Variants in GPR160 observed in about 807,000 individuals in gnomAD.
The protein encoded by GPR160 is G protein-coupled receptor 160.
GPR160 carries 2 observed loss-of-function variants against 2.6 expected under a neutral mutation model. The observed-to-expected ratio is 0.77, with a 90% CI of 0.32 to 2.44. The LOEUF is 2.44. Among genes scored for constraint, GPR160 ranks in the 30% most tolerant of loss-of-function variants. GPR160 has a pLI of 0.11. For synonymous variants in GPR160, 130 were observed against 132.2 expected, an observed-to-expected ratio of 0.98 and a Z score of 0.12; for missense variants, 351 against 383.6, an observed-to-expected ratio of 0.91 and a Z score of 0.71.
intron 2 of GPR160, among the ~76,000 whole-genome samples, chr3:170,061,857 T>G (rs1711976841): frequency 6.6e-6 from 1 of 152,066 alleles, no homozygotes; most frequent in South Asian, 2.1e-4. Context: ...TTCTTATTTT[T>G]AAATTTCAAG....
At position 170,084,524 on chromosome 3, in the gene GPR160, G is replaced by A; in HGVS notation, c.552G>A (p.Trp184Ter). 3.7e-6 allele frequency: 6 copies of A among 1,612,662 alleles called. No individual in the cohort carries two copies. The highest frequency in any genetic ancestry group is 5.1e-6 in the Non-Finnish European group (6 of 1,178,764). ...TCTATGTCAGCATTCAGAGTTACTG[G>A]CTGTCATTTTTCATGGTGATGATTT... ...CPFYVSIQSY[W>*]LSFFMVMILF... The change falls in exon 4 of 4, where the codon TGG becomes TGA. Residue 184 changes from tryptophan (W) to a stop codon, truncating the protein, a stop_gained. Transcript: ENST00000355897. LOFTEE classifies it low-confidence loss of function (END_TRUNC).
intron 3 of GPR160, among the ~76,000 whole-genome samples, chr3:170,081,849 G>A (rs1713144575): frequency 6.6e-6 from 1 of 152,140 alleles, no homozygotes; most frequent in African/African-American, 2.4e-5. Context: ...TCCTGCGTTA[G>A]TTTGCTAAGG....
chr3:170,056,411 G>A (rs927783087), intron 2 of GPR160, among the ~76,000 whole-genome samples: 3 of 152,210 alleles, frequency 2.0e-5, no homozygotes, highest in African/African-American at 7.2e-5. Context: ...GGAAGCAGGG[G>A]ACATAATCTT....
At chr3:170,082,117 A>C (rs973951063) in intron 3 of GPR160, among the ~76,000 whole-genome samples, 1 of 152,168 alleles carries the variant, frequency 6.6e-6, no homozygotes, top group African/African-American at 2.4e-5. Flanking sequence ...TTTTCCTTAA[A>C]GTTTGGGAAA....
chr3:170,060,692 G>C (rs1711892052), intron 2 of GPR160, among the ~76,000 whole-genome samples: 1 of 152,084 alleles, frequency 6.6e-6, no homozygotes, highest in South Asian at 2.1e-4. Flanking sequence ...GATCACTTGA[G>C]CCCAGGAGTT....
chr3:170,074,485 CTTAT>C (rs1202007553), intron 2 of GPR160, among the ~76,000 whole-genome samples: 3 of 151,126 alleles, frequency 2.0e-5, no homozygotes, highest in Non-Finnish European at 4.4e-5. Context: ...ATTTCCTTTG[CTTAT>C]TTATTTATTT....
chr3:170,049,594 TAGAC>T (rs1716868597), intron 2 of GPR160, among the ~76,000 whole-genome samples: 1 of 152,204 alleles, frequency 6.6e-6, no homozygotes, highest in Non-Finnish European at 1.5e-5. Flanking sequence ...GTGTGGTCTG[TAGAC>T]AGACTCCAGG....
At chr3:170,046,461 G>GGC (rs1716725160) in intron 2 of GPR160, among the ~76,000 whole-genome samples, 2 of 152,268 alleles carry the variant, frequency 1.3e-5, no homozygotes, top group South Asian at 4.1e-4. Context: ...GCCACCGCCT[G>GGC]GCAGGGGTTT....
At chr3:170,062,730 C>A in intron 2 of GPR160, 1 of 1,224,008 alleles carries the variant, frequency 8.2e-7, no homozygotes, top group Non-Finnish European at 1.2e-6. Context: ...AAGTCGCAAA[C>A]TCACGGATTT....
intron 2 of GPR160, among the ~76,000 whole-genome samples, chr3:170,065,882 A>G (rs1212327095): frequency 6.6e-6 from 1 of 151,968 alleles, no homozygotes; most frequent in Non-Finnish European, 1.5e-5. Context: ...CATCTCATTC[A>G]TGACCCCATC....
intron 2 of GPR160, among the ~76,000 whole-genome samples, chr3:170,048,419 T>A (rs9861796): frequency 0.096 from 14,527 of 151,210 alleles, 1,420 homozygotes; most frequent in African/African-American, 0.24. Context: ...TATTAAAAAA[T>A]TTTTTTTAAA....
rs1274545822 is a variant in GPR160 at position 170,084,083 on chromosome 3, A to G, written c.111A>G (p.Leu37=). Residue 37 remains leucine (L), a synonymous_variant, in exon 4 of 4, where the codon TTA becomes TTG. Coordinates refer to ENST00000355897, the MANE Select transcript of GPR160 (RefSeq NM_014373.3). ...LLFLIILGKI[L]LNILTLGMRR... is the part of the protein sequence containing the mutation. ...TCTTGATCATACTTGGGAAAATATT[A>G]TTAAATATCCTTACACTAGGAATGA... 1.9e-6 allele frequency: 3 copies of G among 1,590,948 alleles called. No individual in the cohort carries two copies. The highest frequency in any genetic ancestry group is 2.6e-6 in the Non-Finnish European group (3 of 1,166,848).
intron 3 of GPR160, among the ~76,000 whole-genome samples, chr3:170,082,746 T>G (rs1713197364): frequency 6.6e-6 from 1 of 151,346 alleles, no homozygotes; most frequent in Admixed American, 6.6e-5. Flanking sequence ...CAGGTGTGCA[T>G]CACCATGCCC....
At chr3:170,077,873 C>T (rs935717120) in intron 2 of GPR160, 3 of 166,786 alleles carry the variant, frequency 1.8e-5, no homozygotes, top group Admixed American at 1.2e-4. Flanking sequence ...CAGCTGGTGC[C>T]CTGTGTGAGG....
chr3:170,040,250 G>C (rs1361468646), intron 2 of GPR160, among the ~76,000 whole-genome samples: 2 of 152,224 alleles, frequency 1.3e-5, no homozygotes, highest in Non-Finnish European at 2.9e-5. Context: ...TATTGTTTCA[G>C]TATTTGTGTG....
intron 2 of GPR160, among the ~76,000 whole-genome samples, chr3:170,040,870 A>T (rs1247038055): frequency 2.0e-5 from 3 of 152,204 alleles, no homozygotes; most frequent in Non-Finnish European, 2.9e-5. Context: ...CATGACATGT[A>T]AATATTTAGC....
rs138771669 is a variant in GPR160 at position 170,065,251 on chromosome 3, T to A, written c.-192-14523T>A. On this transcript the variant is annotated intron_variant, in intron 2 of 3. Coordinates refer to ENST00000355897, the MANE Select transcript of GPR160 (RefSeq NM_014373.3). ...AACTTTTTTGTTTTCCTTTCAGTTATCTGTCTGCTTTTTTTTCTATATACT... is the reference window on the plus strand; with the variant it reads ...AACTTTTTTGTTTTCCTTTCAGTTAACTGTCTGCTTTTTTTTCTATATACT... 3.8e-3 allele frequency among the ~76,000 whole-genome samples: 576 copies of A among 152,346 alleles called. 17 individuals are homozygous for A. The East Asian group carries it at 0.094, about 25-fold the overall frequency.
At chr3:170,047,183 C>A (rs551289298) in intron 2 of GPR160, among the ~76,000 whole-genome samples, 2 of 152,304 alleles carry the variant, frequency 1.3e-5, no homozygotes, top group Admixed American at 6.5e-5. Flanking sequence ...CTTCACCTAA[C>A]CCTTCGTCCT....
At chr3:170,066,130 C>CTTTTTTTTTTTTTTTTTTTTTTTTTTT (rs768660597) in intron 2 of GPR160, among the ~76,000 whole-genome samples, 2 of 85,168 alleles carry the variant, frequency 2.3e-5, no homozygotes, top group Non-Finnish European at 4.2e-5. Context: ...TTTTCTTTTT[C>CTTTTTTTTTTTTTTTTTTTTTTTTTTT]TTTTTTTTTT....
Sources: gnomAD v4.1 joint callset for allele counts (sites outside exome capture counted in the v4.1 genomes callset) on GRCh38, gnomAD v4.1.1 for gene constraint, MANE v1.5 for transcripts, NCBI Gene and HGNC (gene_info 2026-07-23, HGNC 2026-07-21) for gene names.